The following RTKN2 variants were observed in gnomAD, a reference collection of about 807,000 sequenced individuals.
RTKN2 encodes the protein rhotekin-2.
Under a neutral mutation model 71.5 loss-of-function variants are expected in RTKN2, and 69 were observed. That is an observed-to-expected ratio of 0.96 (90% confidence interval 0.79 to 1.18). The LOEUF is 1.18. Ranked by LOEUF, RTKN2 falls within the 50% of genes most tolerant of loss-of-function variation. The pLI is 0.00. For synonymous variants in RTKN2, 236 were observed against 236.5 expected (o/e 1.00, Z 0.02); for missense variants, 724 against 719.7 (o/e 1.01, Z -0.07).
chr10:62,268,591 C>T lies in RTKN2; in HGVS notation c.20G>A (p.Arg7Lys), dbSNP rs758419002. ...CCCCGCCAGGCGGAGCGCAGGACCC[C>T]TCAGGCTCGGCCCCTCCATCTCCAA... MEGPSL[R>K]GPALRLAGLP... Residue 7 changes from arginine (R) to lysine (K), a missense_variant, in exon 1 of 12, where the codon AGG becomes AAG. By Grantham distance (26) the Arg-to-Lys change is conservative. Transcript: ENST00000373789. 6.4e-7 allele frequency: 1 copy of T among 1,565,568 alleles called. No individual in the cohort carries two copies. The highest frequency in any genetic ancestry group is 1.2e-5 in the South Asian group (1 of 84,936).
intron 9 of RTKN2, among the ~76,000 whole-genome samples, chr10:62,216,063 A>G (rs1199965756): frequency 6.6e-6 from 1 of 152,004 alleles, no homozygotes; most frequent in African/African-American, 2.4e-5. Context: ...GTAAGTAAAA[A>G]GCAGTGTAAT....
intron 1 of RTKN2, among the ~76,000 whole-genome samples, chr10:62,266,018 G>A (rs1248478753): frequency 2.0e-5 from 3 of 152,148 alleles, no homozygotes; most frequent in Non-Finnish European, 4.4e-5. Flanking sequence ...CCAGTCTCCA[G>A]GAACAGCAGA....
At chr10:62,191,773 T>C (rs113363211), downstream of RTKN2, among the ~76,000 whole-genome samples, 1,083 of 152,246 alleles carry the variant, frequency 7.1e-3, 9 homozygotes, top group African/African-American at 0.023. Context: ...GAACAATAAG[T>C]ATTTGGATAC....
chr10:62,254,145 A>G (rs1211156415), intron 2 of RTKN2, among the ~76,000 whole-genome samples: 2 of 152,200 alleles, frequency 1.3e-5, no homozygotes, highest in Non-Finnish European at 2.9e-5. Flanking sequence ...GTTCATTGAT[A>G]TGGTTTGGCT....
At position 62,193,258 on chromosome 10, in the gene RTKN2, A is replaced by G. The variant is rs949809671; in HGVS notation, c.*4650T>C. The G allele has an allele frequency of 6.9e-5, 66 of 961,332 alleles. No individual in the cohort carries two copies. The highest frequency in any genetic ancestry group is 7.8e-5 in the Non-Finnish European group (63 of 808,180). 59.6% of individuals were successfully genotyped at this position (961,332 alleles called of 1,614,324 possible). A position where few individuals can be genotyped will look rare whatever the true frequency, so the allele number is the denominator to read the frequency against. ...CATCTGACATAATTATGTATATACA[A>G]GATCTTTTCAATCTACCTCTCCTTT... is the stretch of plus-strand genomic sequence containing the variant. On this transcript the variant is annotated 3_prime_UTR_variant, in exon 12 of 12. Transcript: ENST00000373789.
At position 62,248,846 on chromosome 10, in the gene RTKN2, A is replaced by G. The variant is rs142446925; in HGVS notation, c.258-2789T>C. ...TCTTTGCCAAAATTAACAAGTTATA[A>G]TGAGAAATAGCCCAATGATGAAAGC... On this transcript the variant is annotated intron_variant, in intron 2 of 11. Transcript: ENST00000373789. Among the ~76,000 whole-genome samples the G allele has an allele frequency of 4.1e-4, 62 of 152,290 alleles. No individual in the cohort carries two copies. The East Asian group carries it at 0.01, about 26-fold the overall frequency.
intron 10 of RTKN2, 42 bp from the exon 11 acceptor site, chr10:62,199,903 A>G (rs775268486): frequency 8.2e-7 from 1 of 1,217,596 alleles, no homozygotes; most frequent in Admixed American, 1.9e-5. Flanking sequence ...TAAAACATAA[A>G]TGTGAAGATA....
At chr10:62,244,208 T>G (rs564103217) in intron 3 of RTKN2, among the ~76,000 whole-genome samples, 39 of 152,208 alleles carry the variant, frequency 2.6e-4, no homozygotes, top group Non-Finnish European at 4.7e-4. Flanking sequence ...GTGAATTCAT[T>G]TTTTATTTTG....
chr10:62,230,500 T>A (rs1842126185), intron 6 of RTKN2, among the ~76,000 whole-genome samples: 1 of 152,154 alleles, frequency 6.6e-6, no homozygotes, highest in Admixed American at 6.5e-5. Context: ...ACCAAATGAT[T>A]AATGTGGTTA....
In RTKN2 at chr10:62,240,327, G is replaced by C. The variant is rs947299503; in HGVS notation, c.371-562C>G. On this transcript the variant is annotated intron_variant, in intron 4 of 11. Transcript: ENST00000373789. Reference sequence around the variant, plus strand: ...TAGCTGCTGGGCCTTTTGATTTGGTGATGTTTTAAAAAGTATTAGGTGATT... The same window carrying C: ...TAGCTGCTGGGCCTTTTGATTTGGTCATGTTTTAAAAAGTATTAGGTGATT... 2.1e-5 allele frequency among the ~76,000 whole-genome samples: 3 copies of C among 146,252 alleles called. No individual in the cohort carries two copies. In the South Asian group the frequency reaches 6.4e-4, roughly 31 times the overall value.
At chr10:62,206,130 T>TA (rs1020555430) in intron 9 of RTKN2, among the ~76,000 whole-genome samples, 14 of 152,268 alleles carry the variant, frequency 9.2e-5, no homozygotes, top group Admixed American at 6.5e-5. Flanking sequence ...ATTTTACACT[T>TA]ACAGCACATC....
chr10:62,245,584 T>C (rs1249092746), intron 3 of RTKN2, among the ~76,000 whole-genome samples: 1 of 152,104 alleles, frequency 6.6e-6, no homozygotes, highest in Admixed American at 6.6e-5. Context: ...TGTAAAGTGA[T>C]GACCAAAATA....
chr10:62,250,113 T>TAG (rs1554815197), intron 2 of RTKN2, among the ~76,000 whole-genome samples: 1 of 152,222 alleles, frequency 6.6e-6, no homozygotes, highest in Non-Finnish European at 1.5e-5. Flanking sequence ...AACCAGCTTG[T>TAG]AGAAGCCTTG....
intron 9 of RTKN2, among the ~76,000 whole-genome samples, chr10:62,216,401 C>T (rs927218132): frequency 1.3e-5 from 2 of 151,866 alleles, no homozygotes; most frequent in Non-Finnish European, 2.9e-5. Flanking sequence ...TAGGAATGCT[C>T]TAAAAAATGA....
intron 2 of RTKN2, 109 bp from the exon 3 acceptor site, chr10:62,246,166 A>C: frequency 1.5e-6 from 1 of 651,146 alleles, no homozygotes. Context: ...ATCCGTGAAT[A>C]ATAATGACTT....
rs762817625 is a variant in RTKN2, at chr10:62,198,407, T to A, written c.1331A>T (p.Asp444Val). Residue 444 changes from aspartate to valine, a missense_variant, in exon 12 of 12, where the codon GAT becomes GTT. By Grantham distance (152) the Asp-to-Val change is radical (BLOSUM62 -3). Coordinates refer to ENST00000373789, the MANE Select transcript of RTKN2 (RefSeq NM_145307.4). ...CTCTTCAATTTTTTTTTGTATTATA[T>A]CCGTTAAACTTTCAAGTTTCATAGG... ...DSPMKLESLT[D>V]IIQKKIEETN... 6.4e-7 allele frequency: 1 copy of A among 1,562,612 alleles called. No individual in the cohort carries two copies. The highest frequency in any genetic ancestry group is 8.6e-7 in the Non-Finnish European group (1 of 1,156,980).
chr10:62,185,322 G>C (rs1205419418), intron 8 of RTKN2, among the ~76,000 whole-genome samples: 1 of 152,084 alleles, frequency 6.6e-6, no homozygotes, highest in Non-Finnish European at 1.5e-5. Flanking sequence ...TTGATTCAAA[G>C]ATTGCTTTTG....
chr10:62,243,638 G>A (rs987792075), intron 3 of RTKN2, among the ~76,000 whole-genome samples: 1 of 152,080 alleles, frequency 6.6e-6, no homozygotes, highest in African/African-American at 2.4e-5. Flanking sequence ...AGGTAGTCTT[G>A]TGCTCTTCAG....
chr10:62,261,295 G>A (rs923970432), intron 2 of RTKN2, among the ~76,000 whole-genome samples: 3 of 152,162 alleles, frequency 2.0e-5, no homozygotes, highest in East Asian at 3.8e-4. Flanking sequence ...TTTTCAAAAT[G>A]TAAATATTAT....
Sources: gnomAD v4.1 joint callset for allele counts (sites outside exome capture counted in the v4.1 genomes callset) on GRCh38, gnomAD v4.1.1 for gene constraint, MANE v1.5 for transcripts, NCBI Gene and HGNC (gene_info 2026-07-23, HGNC 2026-07-21) for gene names.